CSMD1: variants seen among roughly 807,000 people sequenced by gnomAD.
CSMD1 encodes CUB and Sushi multiple domains 1, also known as CUB and sushi domain-containing protein 1.
A neutral mutation model predicts 417.5 loss-of-function variants in CSMD1; 213 were observed. The ratio of observed to expected loss-of-function variants is 0.51; its 90% CI spans 0.46 to 0.57. CSMD1 has a LOEUF of 0.57. Among genes scored for constraint, CSMD1 ranks in the 20% least tolerant of loss-of-function variants. CSMD1 has a pLI of 0.00. For synonymous variants in CSMD1, 2,862 were observed against 1,736.8 expected (o/e 1.65, Z -16.11); for missense variants, 6,923 against 4,529.7 (o/e 1.53, Z -15.17).
chr8:3,667,408 G>A (rs10092519), intron 7 of CSMD1, among the ~76,000 whole-genome samples: 1 of 149,824 alleles, frequency 6.7e-6, no homozygotes, highest in Non-Finnish European at 1.5e-5. Context: ...GAGGTGTGTG[G>A]AGATCTTGGG....
intron 3 of CSMD1, among the ~76,000 whole-genome samples, chr8:4,386,465 T>A (rs1383186354): frequency 6.6e-6 from 1 of 152,232 alleles, no homozygotes; most frequent in Admixed American, 6.5e-5. Flanking sequence ...TACATGTCCA[T>A]CAAAACCACC....
At chr8:3,595,989 TGC>T (rs1801074148) in intron 8 of CSMD1, among the ~76,000 whole-genome samples, 2 of 152,318 alleles carry the variant, frequency 1.3e-5, no homozygotes, top group African/African-American at 4.8e-5. Flanking sequence ...AAAGCCCCTT[TGC>T]CTCCTTCCTG....
At chr8:4,247,328 T>C (rs1456082422) in intron 3 of CSMD1, among the ~76,000 whole-genome samples, 6 of 152,170 alleles carry the variant, frequency 3.9e-5, no homozygotes, top group African/African-American at 1.4e-4. Flanking sequence ...TGCCCTGTCA[T>C]ACCACATAGA....
At chr8:4,419,919 T>C in intron 3 of CSMD1, 34 bp downstream of exon 3, 1 of 1,314,888 alleles carries the variant, frequency 7.6e-7, no homozygotes, top group Non-Finnish European at 1.1e-6. Context: ...ATTTGGACAG[T>C]GAATGCATGT....
intron 1 of CSMD1, among the ~76,000 whole-genome samples, chr8:4,813,397 C>T (rs577202260): frequency 4.6e-5 from 7 of 152,238 alleles, no homozygotes; most frequent in African/African-American, 7.2e-5. Context: ...CATCTTAAAA[C>T]TTTAATTTTA....
chr8:4,899,006 G>A (rs747892070), intron 1 of CSMD1, among the ~76,000 whole-genome samples: 6 of 152,094 alleles, frequency 3.9e-5, no homozygotes, highest in Admixed American at 6.6e-5. Flanking sequence ...ATAGAAAAGT[G>A]AGAGTTTTAT....
In CSMD1 at chr8:4,250,514, T is replaced by C. The variant is rs571841267; in HGVS notation, c.415+169439A>G. ...GGTGTAATGACTCTTGGTGGAATTA[T>C]ATGTATATCGCCCATGAAGTCAACC... On this transcript the variant is annotated intron_variant, in intron 3 of 69. Transcript: ENST00000635120. Among the ~76,000 whole-genome samples, 29 of 152,254 alleles carry C rather than the reference T, an allele frequency of 1.9e-4. No individual in the cohort carries two copies. The South Asian group carries it at 3.5e-3, about 18-fold the overall frequency.
intron 5 of CSMD1, among the ~76,000 whole-genome samples, chr8:3,847,517 A>C (rs1585084898): frequency 2.0e-5 from 3 of 152,088 alleles, no homozygotes; most frequent in Non-Finnish European, 4.4e-5. Context: ...TATGGAAGAT[A>C]ATTCCAGCCT....
chr8:3,768,497 A>C (rs978777862), intron 5 of CSMD1, among the ~76,000 whole-genome samples: 37 of 152,232 alleles, frequency 2.4e-4, no homozygotes, highest in South Asian at 8.3e-4. Flanking sequence ...TTTATGCCAT[A>C]AACAAGAATA....
chr8:4,224,664 T>A (rs1801237579), intron 3 of CSMD1, among the ~76,000 whole-genome samples: 2 of 152,234 alleles, frequency 1.3e-5, no homozygotes, highest in African/African-American at 4.8e-5. Flanking sequence ...GTGGATAGAA[T>A]TCCCCACTGC....
At chr8:3,975,269 G>A (rs187598707) in intron 5 of CSMD1, among the ~76,000 whole-genome samples, 3 of 152,008 alleles carry the variant, frequency 2.0e-5, no homozygotes, top group Non-Finnish European at 1.5e-5. Flanking sequence ...TGAGAGCTTG[G>A]GGTTGTTGCT....
intron 1 of CSMD1, among the ~76,000 whole-genome samples, chr8:4,982,385 G>A (rs1211667785): frequency 6.6e-6 from 1 of 152,174 alleles, no homozygotes; most frequent in African/African-American, 2.4e-5. Flanking sequence ...CCTGCGGAGA[G>A]GATAAACCTG....
At chr8:4,573,824 G>T (rs1368893979) in intron 2 of CSMD1, among the ~76,000 whole-genome samples, 2 of 152,194 alleles carry the variant, frequency 1.3e-5, no homozygotes, top group Admixed American at 6.5e-5. Flanking sequence ...ACCTGCCTAG[G>T]GAGGAGGAAT....
chr8:3,107,744 A>C lies in CSMD1; in HGVS notation c.6809T>G (p.Leu2270Arg). 1 of 1,593,880 alleles carries C rather than the reference A, an allele frequency of 6.3e-7. No individual in the cohort carries two copies. Among genetic ancestry groups the C allele is most frequent in the Non-Finnish European group, 8.5e-7 (1 of 1,172,186 alleles). Residue 2270 changes from leucine (L) to arginine (R), a missense_variant, in exon 45 of 70, where the codon CTT (leucine) becomes CGT (arginine). Coordinates refer to ENST00000635120, the MANE Select transcript of CSMD1 (RefSeq NM_033225.6). ...TATTTCGAAATCATCATCCTCAGTAAGCATTTCTGCCTGTGGAACCGCTGG... is the reference window on the plus strand; with the variant it reads ...TATTTCGAAATCATCATCCTCAGTACGCATTTCTGCCTGTGGAACCGCTGG... ...PPPAVPQAEMLTEDDDFEIGD... is the reference protein window; with the variant it reads ...PPPAVPQAEMRTEDDDFEIGD...
intron 1 of CSMD1, among the ~76,000 whole-genome samples, chr8:4,992,464 T>G (rs1456972663): frequency 5.3e-5 from 8 of 152,134 alleles, no homozygotes. Context: ...CCGGGCCCAG[T>G]TAGGCTTGGA....
At chr8:4,452,219 C>G (rs117864843) in intron 2 of CSMD1, among the ~76,000 whole-genome samples, 4 of 152,140 alleles carry the variant, frequency 2.6e-5, no homozygotes, top group Non-Finnish European at 4.4e-5. Flanking sequence ...GTTTGACTGC[C>G]TGAGACTGAT....
chr8:3,036,224 G>C (rs1353084515), intron 50 of CSMD1, among the ~76,000 whole-genome samples: 2 of 152,178 alleles, frequency 1.3e-5, no homozygotes, highest in Non-Finnish European at 2.9e-5. Context: ...TGACAGGATA[G>C]AAGAATAAAC....
rs559578699 is a variant in CSMD1, at chr8:3,491,230, G to C, written c.1448+2393C>G. On this transcript the variant is annotated intron_variant, in intron 11 of 69. Coordinates refer to ENST00000635120, the MANE Select transcript of CSMD1 (RefSeq NM_033225.6). ...ACAGGCGATAAAGACTCAAGATCCT[G>C]GAGCAGTATCACATCACTGAGTTGG... 3.3e-5 allele frequency among the ~76,000 whole-genome samples: 5 copies of C among 152,226 alleles called. No individual in the cohort carries two copies. The East Asian group carries it at 9.7e-4, about 29-fold the overall frequency.
intron 2 of CSMD1, among the ~76,000 whole-genome samples, chr8:4,428,687 C>A (rs1797700503): frequency 6.6e-6 from 1 of 151,616 alleles, no homozygotes; most frequent in South Asian, 2.1e-4. Flanking sequence ...TATTAATAAT[C>A]CAGGGTTCAT....
Sources: gnomAD v4.1 joint callset for allele counts (sites outside exome capture counted in the v4.1 genomes callset) on GRCh38, gnomAD v4.1.1 for gene constraint, MANE v1.5 for transcripts, NCBI Gene and HGNC (gene_info 2026-07-23, HGNC 2026-07-21) for gene names.